The following SYT16 variants were observed in gnomAD, a reference collection of about 807,000 sequenced individuals.
The protein encoded by SYT16 is synaptotagmin 16.
In SYT16, 42 loss-of-function variants were observed where a neutral mutation model predicts 61.4. The ratio of observed to expected loss-of-function variants is 0.68; its 90% confidence interval spans 0.53 to 0.89. SYT16 has a LOEUF of 0.89. SYT16 is among the 40% of genes least tolerant of loss of function. The pLI is 0.00. For missense variants in SYT16, 804 were observed against 807.3 expected (o/e 1.00, Z 0.05); for synonymous variants, 314 against 302.3 (o/e 1.04, Z -0.40).
intron 3 of SYT16, among the ~76,000 whole-genome samples, chr14:62,041,159 T>TTCTAA (rs1031575071): frequency 5.3e-5 from 8 of 152,314 alleles, no homozygotes; most frequent in African/African-American, 1.7e-4. Flanking sequence ...CTGCTTTTTA[T>TTCTAA]TCTGATTAGA....
intron 1 of SYT16, among the ~76,000 whole-genome samples, chr14:61,845,430 G>C (rs1165943355): frequency 6.6e-6 from 1 of 152,138 alleles, no homozygotes; most frequent in Admixed American, 6.5e-5. Context: ...TTGGTAGGTT[G>C]TATGTGTCTA....
chr14:61,977,054 C>A (rs1470257812), intron 2 of SYT16, among the ~76,000 whole-genome samples: 1 of 152,116 alleles, frequency 6.6e-6, no homozygotes, highest in Non-Finnish European at 1.5e-5. Flanking sequence ...CAAGGGTGGC[C>A]TTTGCTCCTG....
intron 3 of SYT16, among the ~76,000 whole-genome samples, chr14:62,036,516 T>C (rs2054514042): frequency 6.6e-6 from 1 of 152,116 alleles, no homozygotes; most frequent in African/African-American, 2.4e-5. Flanking sequence ...TGCTAGTCCA[T>C]TCTCGTGCGG....
intron 3 of SYT16, among the ~76,000 whole-genome samples, chr14:62,037,705 T>C (rs925978754): frequency 6.6e-6 from 1 of 152,226 alleles, no homozygotes; most frequent in African/African-American, 2.4e-5. Context: ...TACCATATTG[T>C]CTTTTTAAAA....
At chr14:61,980,636 G>A (rs974122105) in intron 2 of SYT16, among the ~76,000 whole-genome samples, 1 of 152,242 alleles carries the variant, frequency 6.6e-6, no homozygotes, top group African/African-American at 2.4e-5. Context: ...GCCACACATT[G>A]TGCTAAGTGC....
chr14:62,042,889 G>GAAAGGTAAT (rs2054793676), intron 3 of SYT16, among the ~76,000 whole-genome samples: 1 of 152,074 alleles, frequency 6.6e-6, no homozygotes, highest in Admixed American at 6.5e-5. Flanking sequence ...GACAATCATA[G>GAAAGGTAAT]GACTTACCTT....
At chr14:61,939,447 T>A (rs911418281) in intron 1 of SYT16, among the ~76,000 whole-genome samples, 1 of 152,198 alleles carries the variant, frequency 6.6e-6, no homozygotes, top group Non-Finnish European at 1.5e-5. Context: ...ATCTATTTTC[T>A]CACAGTCCTG....
chr14:61,952,506 CT>C (rs1328419440), intron 1 of SYT16, among the ~76,000 whole-genome samples: 1 of 152,168 alleles, frequency 6.6e-6, no homozygotes, highest in Non-Finnish European at 1.5e-5. Context: ...TAATTTTCAG[CT>C]TCTAGAAGTG....
At chr14:61,933,619 G>A (rs1056530977) in intron 1 of SYT16, among the ~76,000 whole-genome samples, 1 of 152,146 alleles carries the variant, frequency 6.6e-6, no homozygotes, top group African/African-American at 2.4e-5. Flanking sequence ...CCTAGTCTCT[G>A]GGAGAGTGTG....
At chr14:61,860,308 G>A (rs1045551911) in intron 1 of SYT16, among the ~76,000 whole-genome samples, 4 of 152,230 alleles carry the variant, frequency 2.6e-5, no homozygotes, top group South Asian at 2.1e-4. Flanking sequence ...CAGCACAGAA[G>A]CAATTATAGG....
intron 3 of SYT16, among the ~76,000 whole-genome samples, chr14:62,050,597 G>T (rs1566798434): frequency 6.6e-6 from 1 of 152,158 alleles, no homozygotes; most frequent in Non-Finnish European, 1.5e-5. Context: ...CCCCATCTTT[G>T]TGGTTTTATC....
chr14:61,865,433 A>G (rs899754037), intron 1 of SYT16, among the ~76,000 whole-genome samples: 2 of 152,232 alleles, frequency 1.3e-5, no homozygotes. Context: ...AAAGCCGTGA[A>G]GATCCTCCAG....
intron 3 of SYT16, among the ~76,000 whole-genome samples, chr14:62,068,496 A>C (rs180941189): frequency 6.6e-6 from 1 of 152,334 alleles, no homozygotes; most frequent in Non-Finnish European, 1.5e-5. Context: ...GATCTAACCT[A>C]TAAGATGTGG....
intron 1 of SYT16, among the ~76,000 whole-genome samples, chr14:61,901,755 TA>T (rs2048523471): frequency 6.8e-6 from 1 of 147,254 alleles, no homozygotes; most frequent in African/African-American, 2.5e-5. Flanking sequence ...ATAATAATAA[TA>T]ATAATAATTA....
chr14:61,864,776 G>A, intron 1 of SYT16: 1 of 944,120 alleles, frequency 1.1e-6, no homozygotes, highest in Non-Finnish European at 1.6e-6. Context: ...TGGCCGGTTG[G>A]GCCCTAGTGT....
chr14:61,879,269 C>G (rs1035182586), intron 1 of SYT16, among the ~76,000 whole-genome samples: 1 of 152,112 alleles, frequency 6.6e-6, no homozygotes, highest in Non-Finnish European at 1.5e-5. Context: ...AAAAGTGTGC[C>G]TTTTCTTGTC....
rs115730875 is a variant in SYT16 at position 62,068,179 on chromosome 14, T to C, written c.524-1424T>C. Among the ~76,000 whole-genome samples the C allele has an allele frequency of 4.8e-3, 733 of 152,140 alleles. 6 individuals carry two copies. The highest frequency in any genetic ancestry group is 0.017 in the African/African-American group (704 of 41,482). On this transcript the variant is annotated intron_variant, in intron 3 of 7. Coordinates refer to ENST00000683842, the MANE Select transcript of SYT16 (RefSeq NM_001367656.1). ...GTCAGTGGACAAATGGATAAAGAAA[T>C]TGTGGTACATAAATATGCCTTAGAA...
At chr14:62,024,819 C>T (rs1247325692) in intron 3 of SYT16, among the ~76,000 whole-genome samples, 2 of 152,074 alleles carry the variant, frequency 1.3e-5, no homozygotes, top group African/African-American at 2.4e-5. Flanking sequence ...CCCCTGACAA[C>T]CACTGATCTT....
At position 62,077,364 on chromosome 14, in the gene SYT16, T is replaced by A. The variant is rs184455269; in HGVS notation, c.993+1973T>A. Among the ~76,000 whole-genome samples, 774 of 152,352 alleles carry A rather than the reference T, an allele frequency of 5.1e-3. 5 individuals are homozygous for A. The highest frequency in any genetic ancestry group is 8.6e-3 in the Non-Finnish European group (586 of 68,034). The stretch of plus-strand genomic sequence containing the variant: ...TCAGCAGGAAACTGGTCGTGCAGTG[T>A]GACTACCTGTTAGGCTGATGGATTT... On this transcript the variant is annotated intron_variant, in intron 5 of 7. Coordinates refer to ENST00000683842, the MANE Select transcript of SYT16 (RefSeq NM_001367656.1).
Sources: gnomAD v4.1 joint callset for allele counts (sites outside exome capture counted in the v4.1 genomes callset) on GRCh38, gnomAD v4.1.1 for gene constraint, MANE v1.5 for transcripts, NCBI Gene and HGNC (gene_info 2026-07-23, HGNC 2026-07-21) for gene names.